The following SNX14 variants were observed in gnomAD, a reference collection of about 807,000 sequenced individuals.
SNX14 encodes sorting nexin 14, also known as sorting nexin-14.
In SNX14, 93 loss-of-function variants were observed where a neutral mutation model predicts 133.8. The observed-to-expected ratio is 0.70, with a 90% CI of 0.59 to 0.83. The LOEUF is 0.83. SNX14 is among the 40% of genes least tolerant of loss of function. SNX14 has a pLI of 0.00. For synonymous variants in SNX14, 368 were observed against 365.6 expected (o/e 1.01, Z -0.07); for missense variants, 945 against 1,094.9 (o/e 0.86, Z 1.93).
chr6:85,533,239 CTTAA>C (rs1780823309), intron 18 of SNX14, among the ~76,000 whole-genome samples: 1 of 152,100 alleles, frequency 6.6e-6, no homozygotes, highest in Admixed American at 6.6e-5. Context: ...AAAACGCTGT[CTTAA>C]TTAAACTAGA....
rs750178922 is a variant in SNX14 at position 85,536,874 on chromosome 6, T to C, written c.1526A>G (p.Lys509Arg). 3.1e-6 allele frequency: 5 copies of C among 1,613,472 alleles called. No homozygotes were observed. The highest frequency in any genetic ancestry group is 1.1e-5 in the South Asian group (1 of 91,044). ...ESFGISRIGS[K>R]IKGVFKSTTM... ...GGTACTTTTGAATACTCCTTTAATT[T>C]TGCTACCTATTCTGCTGATTCCAAA... Residue 509 changes from lysine to arginine, a missense_variant, in exon 17 of 29, where the codon AAA (lysine) becomes AGA (arginine). By Grantham distance (26) the Lys-to-Arg change is conservative. Coordinates refer to ENST00000314673, the MANE Select transcript of SNX14 (RefSeq NM_153816.6).
intron 1 of SNX14, chr6:85,589,378 A>G (rs917012197): frequency 3.3e-5 from 5 of 153,582 alleles, no homozygotes; most frequent in Admixed American, 1.3e-4. Flanking sequence ...GTACCTCCAC[A>G]TCCAGCTAAA....
At chr6:85,580,751 C>T (rs771057195) in intron 1 of SNX14, among the ~76,000 whole-genome samples, 5 of 152,102 alleles carry the variant, frequency 3.3e-5, no homozygotes, top group Admixed American at 6.5e-5. Context: ...GTAGTTGACA[C>T]GGAGAGAGGC....
intron 6 of SNX14, among the ~76,000 whole-genome samples, chr6:85,565,074 G>T (rs1165123961): frequency 4.6e-5 from 7 of 150,790 alleles, no homozygotes; most frequent in Non-Finnish European, 7.4e-5. Context: ...AGCAGGGTGA[G>T]TATAGTCAAA....
intron 4 of SNX14, 121 bp from the exon 5 acceptor site, chr6:85,567,698 G>T: frequency 1.7e-6 from 1 of 597,340 alleles, no homozygotes; most frequent in Non-Finnish European, 2.7e-6. Flanking sequence ...AATAGTGACA[G>T]TAGGCGGTGA....
chr6:85,547,480 T>C, intron 10 of SNX14, 26 bp downstream of exon 10: 1 of 1,604,968 alleles, frequency 6.2e-7, no homozygotes, highest in Non-Finnish European at 8.5e-7. Context: ...CAATCTGAAG[T>C]GTTTTCTAAT....
intron 17 of SNX14, 119 bp downstream of exon 17, chr6:85,536,673 T>A: frequency 1.2e-6 from 1 of 860,068 alleles, no homozygotes; most frequent in South Asian, 2.6e-5. Flanking sequence ...AAGATAAAGG[T>A]AAAGTATTAA....
At chr6:85,589,192 T>C (rs1435070423) in intron 1 of SNX14, 2 of 196,306 alleles carry the variant, frequency 1.0e-5, no homozygotes, top group Non-Finnish European at 2.1e-5. Flanking sequence ...CCTTCTGCCA[T>C]ATTGTCTACT....
chr6:85,574,941 A>T (rs932918910), intron 1 of SNX14, among the ~76,000 whole-genome samples: 1 of 152,226 alleles, frequency 6.6e-6, no homozygotes, highest in Admixed American at 6.5e-5. Flanking sequence ...CAAATTTGAA[A>T]AGAACAGAAA....
intron 1 of SNX14, among the ~76,000 whole-genome samples, chr6:85,592,774 G>A (rs1303687743): frequency 6.6e-6 from 1 of 151,204 alleles, no homozygotes; most frequent in Non-Finnish European, 1.5e-5. Context: ...CGGCTCACGA[G>A]GTCAGGAGAT....
chr6:85,558,736 A>G (rs951271723), intron 6 of SNX14, among the ~76,000 whole-genome samples: 8 of 152,070 alleles, frequency 5.3e-5, no homozygotes, highest in Non-Finnish European at 1.5e-5. Flanking sequence ...CAGCCTCCCA[A>G]AGTGCTGGGA....
intron 19 of SNX14, 35 bp from the exon 20 acceptor site, chr6:85,528,397 T>G: frequency 6.7e-7 from 1 of 1,499,682 alleles, no homozygotes; most frequent in Non-Finnish European, 9.1e-7. Flanking sequence ...ATTACTGTGT[T>G]CTGCTACTAT....
intron 4 of SNX14, 77 bp downstream of exon 4, chr6:85,572,060 T>G (rs1795795123): frequency 1.1e-5 from 14 of 1,258,296 alleles, no homozygotes; most frequent in Non-Finnish European, 1.5e-5. Context: ...TGATTAAATT[T>G]TTTGATTAAA....
intron 21 of SNX14, 61 bp from the exon 22 acceptor site, chr6:85,518,109 T>C: frequency 6.8e-6 from 9 of 1,327,888 alleles, no homozygotes. Flanking sequence ...ATTGCTCACA[T>C]GAATACTTAA....
intron 26 of SNX14, among the ~76,000 whole-genome samples, chr6:85,509,726 C>T (rs1459793594): frequency 6.6e-6 from 1 of 152,084 alleles, no homozygotes; most frequent in Non-Finnish European, 1.5e-5. Flanking sequence ...TGGTGTTGTA[C>T]GTTCTGTGGG....
intron 7 of SNX14, 53 bp downstream of exon 7, chr6:85,557,923 A>C: frequency 1.0e-6 from 1 of 962,224 alleles, no homozygotes; most frequent in Admixed American, 2.0e-5. Context: ...TTTCGGGTGA[A>C]AATTGGTGTA....
intron 18 of SNX14, among the ~76,000 whole-genome samples, chr6:85,532,506 A>AATT (rs1312459017): frequency 6.6e-6 from 1 of 152,212 alleles, no homozygotes; most frequent in Non-Finnish European, 1.5e-5. Context: ...AAGTAAGAAT[A>AATT]ATTAGCACTG....
At chr6:85,522,209 G>A (rs192214998) in intron 21 of SNX14, among the ~76,000 whole-genome samples, 1 of 152,312 alleles carries the variant, frequency 6.6e-6, no homozygotes, top group African/African-American at 2.4e-5. Context: ...ATTCTGCAGA[G>A]CCATGCTCAC....
At chr6:85,526,067 C>G in intron 21 of SNX14, 59 bp downstream of exon 21, 1 of 1,143,208 alleles carries the variant, frequency 8.7e-7, no homozygotes, top group Non-Finnish European at 1.2e-6. Context: ...CTAAGTTAAT[C>G]TGAAAATGCT....
Sources: allele counts gnomAD v4.1 joint callset (sites outside exome capture counted in the v4.1 genomes callset), GRCh38; gene constraint gnomAD v4.1.1; transcripts MANE v1.5; gene names NCBI Gene and HGNC (gene_info 2026-07-23, HGNC 2026-07-21).